The following MACROD2 variants were observed in gnomAD, a reference collection of about 807,000 sequenced individuals.
MACROD2 encodes mono-ADP ribosylhydrolase 2.
In MACROD2, 36 loss-of-function variants were observed where a neutral mutation model predicts 70.4. The ratio of observed to expected loss-of-function variants is 0.51; its 90% CI spans 0.39 to 0.68. The LOEUF is 0.68. MACROD2 is among the 30% of genes least tolerant of loss of function. MACROD2 has a pLI of 0.00. For synonymous variants in MACROD2, 172 were observed against 178.8 expected (o/e 0.96, Z 0.30); for missense variants, 496 against 538.4 (o/e 0.92, Z 0.78).
rs544435125 is a variant in MACROD2 at position 14,152,713 on chromosome 20, C to T, written c.271+66985C>T. 2.6e-5 allele frequency among the ~76,000 whole-genome samples: 4 copies of T among 152,300 alleles called. No individual in the cohort carries two copies. In the South Asian group the frequency reaches 8.3e-4, roughly 32 times the overall value. On this transcript the variant is annotated intron_variant, in intron 3 of 17. Transcript: ENST00000684519. ...AAGTGCTGGGATTACAGGCATGAGC[C>T]ATCGTGCCCGGCCTCCTCTACAATT...
At chr20:15,301,085 C>A (rs544410112) in intron 6 of MACROD2, among the ~76,000 whole-genome samples, 1 of 152,158 alleles carries the variant, frequency 6.6e-6, no homozygotes, top group South Asian at 2.1e-4. Context: ...GGAAGGACAG[C>A]GAGCAAGGTG....
At chr20:15,682,382 G>C (rs1258085305) in intron 8 of MACROD2, among the ~76,000 whole-genome samples, 2 of 152,160 alleles carry the variant, frequency 1.3e-5, no homozygotes, top group Non-Finnish European at 2.9e-5. Context: ...GCAGCTCATG[G>C]GGAAATGCTA....
At chr20:14,147,337 A>C (rs1372012336) in intron 3 of MACROD2, among the ~76,000 whole-genome samples, 1 of 152,224 alleles carries the variant, frequency 6.6e-6, no homozygotes, top group Non-Finnish European at 1.5e-5. Flanking sequence ...CAGCAATAGA[A>C]GTTGAGCCTC....
intron 5 of MACROD2, among the ~76,000 whole-genome samples, chr20:15,208,311 CTGTT>C (rs1035905938): frequency 1.5e-4 from 23 of 152,174 alleles, no homozygotes; most frequent in South Asian, 8.3e-4. Flanking sequence ...GACTTTCTAT[CTGTT>C]TGTTTGTTTC....
chr20:14,752,046 C>A (rs1462193784), intron 5 of MACROD2, among the ~76,000 whole-genome samples: 1 of 150,512 alleles, frequency 6.6e-6, no homozygotes, highest in Non-Finnish European at 1.5e-5. Flanking sequence ...CTTTGCTGGT[C>A]CAGCTTTCTC....
intron 4 of MACROD2, among the ~76,000 whole-genome samples, chr20:14,531,031 C>A (rs1224378563): frequency 6.6e-6 from 1 of 152,116 alleles, no homozygotes; most frequent in Non-Finnish European, 1.5e-5. Context: ...GAATACAAAG[C>A]AATTAGCCAA....
chr20:14,710,460 T>G (rs2071324801), intron 5 of MACROD2, among the ~76,000 whole-genome samples: 1 of 152,232 alleles, frequency 6.6e-6, no homozygotes, highest in Non-Finnish European at 1.5e-5. Flanking sequence ...GTTTACAGTT[T>G]CATCTTGCAT....
At chr20:15,657,324 A>AG (rs1444324895) in intron 8 of MACROD2, among the ~76,000 whole-genome samples, 2 of 152,332 alleles carry the variant, frequency 1.3e-5, no homozygotes, top group African/African-American at 4.8e-5. Context: ...TTAGAGCATA[A>AG]GGCTAGCTAC....
chr20:14,689,310 T>C (rs1202613097), intron 5 of MACROD2, among the ~76,000 whole-genome samples: 1 of 152,258 alleles, frequency 6.6e-6, no homozygotes, highest in Non-Finnish European at 1.5e-5. Context: ...CATTTACTTA[T>C]TTCTTTTGTT....
chr20:15,918,253 T>A (rs1249440749), intron 10 of MACROD2, among the ~76,000 whole-genome samples: 1 of 152,256 alleles, frequency 6.6e-6, no homozygotes, highest in Admixed American at 6.5e-5. Flanking sequence ...TTATTTTGGA[T>A]ACATAATGTT....
chr20:14,335,904 C>G (rs1478041436), intron 3 of MACROD2, among the ~76,000 whole-genome samples: 2 of 152,092 alleles, frequency 1.3e-5, no homozygotes, highest in Non-Finnish European at 2.9e-5. Context: ...AGGGGCATAT[C>G]TCTGATTTAA....
At chr20:16,012,547 C>T (rs972041662) in intron 15 of MACROD2, among the ~76,000 whole-genome samples, 13 of 152,192 alleles carry the variant, frequency 8.5e-5, no homozygotes, top group African/African-American at 3.1e-4. Flanking sequence ...CTCAGGATGA[C>T]GTTGGCCTTT....
intron 5 of MACROD2, among the ~76,000 whole-genome samples, chr20:14,790,971 C>T (rs2072443939): frequency 6.6e-6 from 1 of 152,058 alleles, no homozygotes; most frequent in Admixed American, 6.6e-5. Context: ...AGAACATCGA[C>T]AGCTACCAGT....
chr20:15,536,790 A>G (rs1260925403), intron 8 of MACROD2, among the ~76,000 whole-genome samples: 1 of 152,184 alleles, frequency 6.6e-6, no homozygotes, highest in African/African-American at 2.4e-5. Flanking sequence ...CCATCCTAAG[A>G]TATACTTCTC....
intron 4 of MACROD2, among the ~76,000 whole-genome samples, chr20:14,652,496 GAATTT>G (rs1248579219): frequency 5.3e-5 from 8 of 151,838 alleles, no homozygotes; most frequent in African/African-American, 1.7e-4. Flanking sequence ...ATTGACTATT[GAATTT>G]AATAAGATAG....
At chr20:14,757,706 C>A in intron 5 of MACROD2, 1 of 1,483,368 alleles carries the variant, frequency 6.7e-7, no homozygotes, top group South Asian at 1.1e-5. Context: ...AAAGGCCATG[C>A]AGTCTCTCAA....
chr20:14,866,124 G>A (rs1390396956), intron 5 of MACROD2, among the ~76,000 whole-genome samples: 2 of 152,124 alleles, frequency 1.3e-5, no homozygotes, highest in East Asian at 3.9e-4. Context: ...GAACAAATAA[G>A]TGAATATAGC....
chr20:14,029,317 A>G (rs2053219374), intron 2 of MACROD2, among the ~76,000 whole-genome samples: 1 of 152,224 alleles, frequency 6.6e-6, no homozygotes, highest in Admixed American at 6.5e-5. Context: ...GCATCATAGA[A>G]TTGAACATAT....
chr20:14,457,109 G>A (rs1456725573), intron 3 of MACROD2, among the ~76,000 whole-genome samples: 1 of 151,558 alleles, frequency 6.6e-6, no homozygotes, highest in African/African-American at 2.4e-5. Flanking sequence ...GTTTGTTAAA[G>A]GTATCATTAT....
Sources: gnomAD v4.1 joint callset for allele counts (sites outside exome capture counted in the v4.1 genomes callset) on GRCh38, gnomAD v4.1.1 for gene constraint, MANE v1.5 for transcripts, NCBI Gene and HGNC (gene_info 2026-07-23, HGNC 2026-07-21) for gene names.